ENTHD1: variants seen among roughly 807,000 people sequenced by gnomAD.
ENTHD1 encodes the protein ENTH domain-containing protein 1.
A neutral mutation model predicts 39.1 loss-of-function variants in ENTHD1; 23 were observed. The ratio of observed to expected loss-of-function variants is 0.59; its 90% CI spans 0.42 to 0.83. ENTHD1 has a LOEUF of 0.83. ENTHD1 is among the 40% of genes least tolerant of loss of function. The probability of loss-of-function intolerance (pLI) is 0.00; values close to 1 mark genes in which losing one functional copy is unlikely to be tolerated. For synonymous variants in ENTHD1, 230 were observed against 258.2 expected (o/e 0.89, Z 1.05); for missense variants, 624 against 705.4 (o/e 0.88, Z 1.31).
At chr22:39,875,795 T>C in intron 2 of ENTHD1, 5 of 1,613,364 alleles carry the variant, frequency 3.1e-6, no homozygotes, top group Non-Finnish European at 3.4e-6. Context: ...GGCTTTCAAA[T>C]GGAGAGGCAA....
At chr22:39,806,977 T>TG (rs1186818164) in intron 5 of ENTHD1, among the ~76,000 whole-genome samples, 1 of 151,938 alleles carries the variant, frequency 6.6e-6, no homozygotes, top group Non-Finnish European at 1.5e-5. Flanking sequence ...CATCAGAGGC[T>TG]GGGGGAAGAA....
chr22:39,869,496 G>A (rs2066219745), intron 2 of ENTHD1, among the ~76,000 whole-genome samples: 1 of 152,078 alleles, frequency 6.6e-6, no homozygotes, highest in Admixed American at 6.6e-5. Context: ...GGAGGCAAGG[G>A]CTGAAAAATG....
chr22:39,848,502 T>A (rs1443587751), intron 3 of ENTHD1, among the ~76,000 whole-genome samples: 1 of 152,178 alleles, frequency 6.6e-6, no homozygotes, highest in African/African-American at 2.4e-5. Context: ...TCCACCTACC[T>A]TGGCCTCCCA....
chr22:39,784,638 T>C (rs1433933186), intron 5 of ENTHD1, among the ~76,000 whole-genome samples: 2 of 151,662 alleles, frequency 1.3e-5, no homozygotes, highest in African/African-American at 2.4e-5. Context: ...GCAACATGGA[T>C]GGAACCGTAG....
intron 4 of ENTHD1, among the ~76,000 whole-genome samples, chr22:39,831,694 C>T (rs1445385570): frequency 6.6e-6 from 1 of 151,558 alleles, no homozygotes; most frequent in African/African-American, 2.4e-5. Flanking sequence ...GGTGTAGTGG[C>T]GGGCGTCTGT....
At position 39,867,198 on chromosome 22, in the gene ENTHD1, C is replaced by T. The variant is rs529780536; in HGVS notation, c.350-5191G>A. Among the ~76,000 whole-genome samples the T allele has an allele frequency of 2.0e-5, 3 of 152,228 alleles. No homozygotes were observed. Among genetic ancestry groups the T allele is most frequent in the East Asian group, 1.9e-4 (1 of 5,182 alleles). On this transcript the variant is annotated intron_variant, in intron 2 of 6. Coordinates refer to ENST00000325157, the MANE Select transcript of ENTHD1 (RefSeq NM_152512.4). This position sits in a 1 kb window ranked among gnomAD's most constrained non-coding sequence, Gnocchi z 4.5. ...GATTACAGGCGTGAGCCACCGCGCC[C>T]GGCCCGAGAAATCTATATACATTTA...
chr22:39,788,802 A>G (rs1476549066), intron 5 of ENTHD1, among the ~76,000 whole-genome samples: 1 of 152,110 alleles, frequency 6.6e-6, no homozygotes, highest in East Asian at 1.9e-4. Context: ...CTGATCCATC[A>G]GCAGCATCAA....
At chr22:39,789,098 A>T (rs2065482974) in intron 5 of ENTHD1, among the ~76,000 whole-genome samples, 1 of 152,116 alleles carries the variant, frequency 6.6e-6, no homozygotes, top group Admixed American at 6.5e-5. Context: ...GTATGTATGC[A>T]TCACATTTTC....
intron 5 of ENTHD1, among the ~76,000 whole-genome samples, chr22:39,776,849 T>C (rs536435753): frequency 6.6e-6 from 1 of 152,354 alleles, no homozygotes; most frequent in African/African-American, 2.4e-5. Context: ...ATAGGAACAT[T>C]CCACCCTGCT....
At chr22:39,812,969 G>A (rs1160307499) in intron 5 of ENTHD1, among the ~76,000 whole-genome samples, 1 of 152,116 alleles carries the variant, frequency 6.6e-6, no homozygotes, top group African/African-American at 2.4e-5. Context: ...TTTTAGTAAA[G>A]GTGGGGTTTC....
intron 4 of ENTHD1, among the ~76,000 whole-genome samples, chr22:39,832,435 A>G (rs2065876239): frequency 6.6e-6 from 1 of 152,222 alleles, no homozygotes; most frequent in African/African-American, 2.4e-5. Context: ...TGAAACAAAA[A>G]AAAGTTTTAA....
chr22:39,770,550 C>T (rs1036107705), intron 5 of ENTHD1, among the ~76,000 whole-genome samples: 1 of 152,096 alleles, frequency 6.6e-6, no homozygotes, highest in Non-Finnish European at 1.5e-5. Context: ...ACTCCTCCAG[C>T]GTTAGGGCTG....
chr22:39,861,413 G>A (rs2066138935), intron 3 of ENTHD1, among the ~76,000 whole-genome samples: 1 of 152,054 alleles, frequency 6.6e-6, no homozygotes, highest in Non-Finnish European at 1.5e-5. Context: ...GGTGATGGGT[G>A]CCTGTAATCC....
At chr22:39,786,924 G>A (rs1421203671) in intron 5 of ENTHD1, among the ~76,000 whole-genome samples, 3 of 152,126 alleles carry the variant, frequency 2.0e-5, no homozygotes, top group African/African-American at 4.8e-5. Flanking sequence ...GCACACACAC[G>A]CATACCTCAT....
At chr22:39,769,476 A>G (rs2065305242) in intron 5 of ENTHD1, among the ~76,000 whole-genome samples, 1 of 152,140 alleles carries the variant, frequency 6.6e-6, no homozygotes, top group South Asian at 2.1e-4. Context: ...TTTTTTCAAT[A>G]ACTCTTAACT....
chr22:39,765,477 G>A lies in ENTHD1; in HGVS notation c.965C>T (p.Ala322Val). The change falls in exon 6 of 7, where the codon GCT becomes GTT. Residue 322 changes from alanine (A) to valine (V), a missense_variant. Transcript: ENST00000325157. Reference protein sequence around the residue: ...LLETPLEKQSAAEGLKTLTIL... With the variant: ...LLETPLEKQSVAEGLKTLTIL... ...TGTCAATGTTTTAAGACCTTCTGCA[G>A]CTGATTGCTTTTCTAAAGGTGTTTC... 6.2e-7 allele frequency: 1 copy of A among 1,613,908 alleles called. No homozygotes were observed. Among genetic ancestry groups the A allele is most frequent in the African/African-American group, 1.3e-5 (1 of 74,992 alleles).
intron 5 of ENTHD1, among the ~76,000 whole-genome samples, chr22:39,795,127 A>G (rs754861547): frequency 1.3e-5 from 2 of 152,052 alleles, no homozygotes; most frequent in Non-Finnish European, 2.9e-5. Flanking sequence ...TGATCATGGT[A>G]TATTATCTTT....
intron 5 of ENTHD1, among the ~76,000 whole-genome samples, chr22:39,792,770 T>C (rs1458352820): frequency 1.3e-5 from 2 of 152,208 alleles, no homozygotes; most frequent in African/African-American, 2.4e-5. Flanking sequence ...TTACATCGTT[T>C]TTCTTTGAAT....
At position 39,744,178 on chromosome 22, in the gene ENTHD1, G is replaced by C. The variant is rs868771517; in HGVS notation, c.1325C>G (p.Ala442Gly). 2 of 1,614,134 alleles carry C rather than the reference G, an allele frequency of 1.2e-6. No homozygotes were observed. Among genetic ancestry groups the C allele is most frequent in the Non-Finnish European group, 8.5e-7 (1 of 1,179,984 alleles). Reference sequence around the variant, plus strand: ...GGACAGAGTCCAGAAGGAAGGTCCGGCCAGAATTGGTGATAAGAGATGAGC... The same window carrying C: ...GGACAGAGTCCAGAAGGAAGGTCCGCCCAGAATTGGTGATAAGAGATGAGC... ...KSAHLLSPIL[A>G]GPSFWTLSHQ... The change falls in exon 7 of 7, where the codon GCC becomes GGC. Residue 442 changes from alanine (A) to glycine (G), a missense_variant. Ala to Gly is a moderately conservative substitution (Grantham distance 60). Coordinates refer to ENST00000325157, the MANE Select transcript of ENTHD1 (RefSeq NM_152512.4).
Sources: allele counts gnomAD v4.1 joint callset (sites outside exome capture counted in the v4.1 genomes callset), GRCh38; gene constraint gnomAD v4.1.1; non-coding constraint Gnocchi (gnomAD v3.1); transcripts MANE v1.5; gene names NCBI Gene and HGNC (gene_info 2026-07-23, HGNC 2026-07-21).